The following RUFY2 variants were observed in gnomAD, a reference collection of about 807,000 sequenced individuals.
RUFY2 encodes RUN and FYVE domain containing 2.
Under a neutral mutation model 94.4 loss-of-function variants are expected in RUFY2, and 49 were observed. The observed-to-expected ratio is 0.52, with a 90% CI of 0.41 to 0.66. The LOEUF (loss-of-function observed/expected upper bound fraction) is 0.66. RUFY2 is among the 30% of genes least tolerant of loss of function. The pLI, the probability that RUFY2 is intolerant of heterozygous loss-of-function variation, is 0.00. For missense variants in RUFY2, 541 were observed against 692.8 expected (o/e 0.78, Z 2.46); for synonymous variants, 255 against 235.7 (o/e 1.08, Z -0.75).
chr10:68,347,338 G>A (rs1363472908), intron 16 of RUFY2, among the ~76,000 whole-genome samples: 8 of 128,790 alleles, frequency 6.2e-5, no homozygotes, highest in Non-Finnish European at 1.2e-4. Flanking sequence ...AGGCTGTAGT[G>A]CAGTGGTGCA....
chr10:68,403,694 T>C (rs1243001833), intron 2 of RUFY2, among the ~76,000 whole-genome samples: 2 of 152,210 alleles, frequency 1.3e-5, no homozygotes, highest in African/African-American at 4.8e-5. Context: ...ATGAGTATGC[T>C]AATAACATCA....
chr10:68,402,589 T>G (rs891487929), intron 2 of RUFY2, among the ~76,000 whole-genome samples: 5 of 151,836 alleles, frequency 3.3e-5, no homozygotes, highest in Middle Eastern at 3.2e-3. Context: ...ATTTAACTAT[T>G]TTGGCCATAA....
At chr10:68,396,973 C>A in intron 3 of RUFY2, 92 bp from the exon 4 acceptor site, 1 of 779,952 alleles carries the variant, frequency 1.3e-6, no homozygotes, top group Non-Finnish European at 2.1e-6. Flanking sequence ...GGAAAAAGGG[C>A]ATTTTTATAA....
intron 16 of RUFY2, chr10:68,346,666 T>C (rs764852155): frequency 3.3e-5 from 5 of 152,176 alleles, no homozygotes; most frequent in African/African-American, 4.8e-5. Flanking sequence ...GGGTACATAG[T>C]AGTTACATAT....
At chr10:68,353,591 G>A (rs2046847867) in intron 16 of RUFY2, among the ~76,000 whole-genome samples, 1 of 151,866 alleles carries the variant, frequency 6.6e-6, no homozygotes, top group African/African-American at 2.4e-5. Context: ...CCCGAGGACA[G>A]GTGTTCAAGA....
chr10:68,396,444 C>T (rs974725723), intron 4 of RUFY2, among the ~76,000 whole-genome samples: 7 of 151,070 alleles, frequency 4.6e-5, no homozygotes, highest in Admixed American at 2.0e-4. Context: ...TAGAATTAAC[C>T]ATATTCAGAA....
At chr10:68,383,340 T>C (rs1364415974) in intron 10 of RUFY2, among the ~76,000 whole-genome samples, 1 of 143,078 alleles carries the variant, frequency 7.0e-6, no homozygotes, top group Non-Finnish European at 1.5e-5. Context: ...AACAATAGGC[T>C]GGGCGCAGTG....
chr10:68,389,328 C>T (rs1185721936), intron 7 of RUFY2, among the ~76,000 whole-genome samples: 1 of 152,176 alleles, frequency 6.6e-6, no homozygotes, highest in Non-Finnish European at 1.5e-5. Context: ...CACGGTGGCT[C>T]ACGCCTGTAA....
At chr10:68,397,701 C>G (rs1353188059) in intron 3 of RUFY2, among the ~76,000 whole-genome samples, 4 of 151,724 alleles carry the variant, frequency 2.6e-5, no homozygotes, top group Non-Finnish European at 5.9e-5. Flanking sequence ...TTGCTTAAGC[C>G]CAGTAGGCAG....
intron 12 of RUFY2, chr10:68,377,561 A>C: frequency 1.0e-6 from 1 of 985,392 alleles, no homozygotes; most frequent in Non-Finnish European, 1.2e-6. Context: ...AGATTCAAAA[A>C]GAATTTGGTG....
At chr10:68,399,709 C>A (rs918539030) in intron 3 of RUFY2, among the ~76,000 whole-genome samples, 7 of 152,076 alleles carry the variant, frequency 4.6e-5, no homozygotes, top group African/African-American at 9.7e-5. Context: ...ATGCTTAATG[C>A]AAAAAAAGTT....
intron 13 of RUFY2, among the ~76,000 whole-genome samples, chr10:68,371,647 A>C (rs2048292697): frequency 6.6e-6 from 1 of 152,114 alleles, no homozygotes; most frequent in Non-Finnish European, 1.5e-5. Flanking sequence ...GGGAGAAGAA[A>C]GCAACTGACA....
chr10:68,341,731 C>A, downstream of RUFY2: 1 of 1,584,414 alleles, frequency 6.3e-7, no homozygotes, highest in Non-Finnish European at 8.6e-7. Flanking sequence ...CGATGAGTCT[C>A]AATTTTTTTT....
intron 6 of RUFY2, 79 bp downstream of exon 6, chr10:68,393,996 T>C: frequency 6.9e-7 from 1 of 1,445,794 alleles, no homozygotes; most frequent in South Asian, 1.3e-5. Context: ...AACCACACTG[T>C]AAATAGATGG....
chr10:68,405,633 T>C (rs2051232899), intron 1 of RUFY2: 1 of 859,896 alleles, frequency 1.2e-6, no homozygotes, highest in Non-Finnish European at 1.4e-6. Flanking sequence ...AGGATTCCAG[T>C]GTCATCCACA....
Position 68,374,114 on chromosome 10 carries a change from CAAAAAAAAAAAAAAA to C in RUFY2, c.1325+2724_1325+2738del, listed in dbSNP as rs34041522. Reference sequence around the variant, plus strand: ...GCTGGGCAAGAGTGAGATCCTGTCCCAAAAAAAAAAAAAAAAAAAAAAAAGGAAAAGAAACTTCAA... The same window carrying C: ...GCTGGGCAAGAGTGAGATCCTGTCCCAAAAAAAAAGGAAAAGAAACTTCAA... On this transcript the variant is annotated intron_variant, in intron 13 of 17. Transcript: ENST00000602465. Among the ~76,000 whole-genome samples, 217 of 59,358 alleles carry C rather than the reference CAAAAAAAAAAAAAAA, an allele frequency of 3.7e-3. 1 individual carries two copies. Among genetic ancestry groups the C allele is most frequent in the African/African-American group, 0.015 (212 of 14,250 alleles). The allele number at this position is 59,358 out of a possible 152,430, so 38.9% of individuals were successfully genotyped here.
At chr10:68,400,875 T>C (rs994303729) in intron 3 of RUFY2, among the ~76,000 whole-genome samples, 111 of 151,522 alleles carry the variant, frequency 7.3e-4, no homozygotes, top group African/African-American at 2.6e-3. Context: ...TAGCCGGGCG[T>C]GGTGGCGGGC....
At chr10:68,377,062 A>T in intron 12 of RUFY2, 90 bp from the exon 13 acceptor site, 1 of 1,559,780 alleles carries the variant, frequency 6.4e-7, no homozygotes, top group Non-Finnish European at 8.6e-7. Context: ...AAAATGGGGA[A>T]ATAGAAACAT....
chr10:68,384,769 T>C (rs1038428802), intron 8 of RUFY2, among the ~76,000 whole-genome samples: 5 of 152,210 alleles, frequency 3.3e-5, no homozygotes, highest in Non-Finnish European at 7.3e-5. Context: ...GACCATTCCC[T>C]AATGATGGTT....
Sources: gnomAD v4.1 joint callset for allele counts (sites outside exome capture counted in the v4.1 genomes callset) on GRCh38, gnomAD v4.1.1 for gene constraint, MANE v1.5 for transcripts, NCBI Gene and HGNC (gene_info 2026-07-23, HGNC 2026-07-21) for gene names.